Variants in FRMPD4 observed in about 807,000 individuals in gnomAD.
FRMPD4 encodes FERM and PDZ domain-containing protein 4.
A neutral mutation model predicts 94.1 loss-of-function variants in FRMPD4; 22 were observed. That is an observed-to-expected ratio of 0.23 (90% CI 0.17 to 0.33). The LOEUF (loss-of-function observed/expected upper bound fraction) is 0.33. Among genes scored for constraint, FRMPD4 ranks in the 10% least tolerant of loss-of-function variants. FRMPD4 has a pLI of 1.00. For missense variants in FRMPD4, 1,111 were observed against 1,339.9 expected, an observed-to-expected ratio of 0.83 and a Z score of 2.67; for synonymous variants, 631 against 548.6, an observed-to-expected ratio of 1.15 and a Z score of -2.10.
At chrX:11,884,396 T>C (rs927617381) in intron 3 of FRMPD4, among the ~76,000 whole-genome samples, 2 of 112,050 alleles carry the variant, frequency 1.8e-5, no homozygotes, top group Non-Finnish European at 3.8e-5. Context: ...TGATCAGTGT[T>C]ATGTTGCTTG....
At chrX:12,594,758 G>T (rs2059015231) in intron 2 of FRMPD4, among the ~76,000 whole-genome samples, 1 of 111,625 alleles carries the variant, frequency 9.0e-6, no homozygotes, top group African/African-American at 3.3e-5. Flanking sequence ...TTAAACAATA[G>T]TTTATTCTTT....
At chrX:12,329,857 C>CAAA (rs750627076) in intron 1 of FRMPD4, among the ~76,000 whole-genome samples, 1 of 55,449 alleles carries the variant, frequency 1.8e-5, no homozygotes, top group Non-Finnish European at 3.8e-5. Flanking sequence ...AGTTTCTAAC[C>CAAA]AAAAAAAAAA....
rs1193068056 is a variant in FRMPD4 at position 11,843,978 on chromosome X, CTTTT to C, written c.-160-21089_-160-21086del. On this transcript the variant is annotated intron_variant, in intron 1 of 18. Transcript: ENST00000640291. ...AAGGCAGATCTGATAGTTATGAATT[CTTTT>C]TTTTTTTTTTTTTTTTTTGAGACAG... Among the ~76,000 whole-genome samples the C allele has an allele frequency of 3.1e-3, 188 of 61,374 alleles. 1 individual carries two copies. Among genetic ancestry groups the C allele is most frequent in the African/African-American group, 0.012 (164 of 13,998 alleles). The allele number at this position is 61,374 out of a possible 115,157, so 53.3% of individuals were successfully genotyped here. A position where few individuals can be genotyped will look rare whatever the true frequency, so the allele number is the denominator to read the frequency against.
intron 4 of FRMPD4, among the ~76,000 whole-genome samples, chrX:12,653,569 G>A (rs1046415288): frequency 9.0e-6 from 1 of 111,562 alleles, no homozygotes; most frequent in Non-Finnish European, 1.9e-5. Flanking sequence ...TGTCTCAGAA[G>A]GGTTGCATGG....
At chrX:12,040,818 C>T (rs1267017931) in intron 3 of FRMPD4, among the ~76,000 whole-genome samples, 3 of 110,387 alleles carry the variant, frequency 2.7e-5, no homozygotes. Flanking sequence ...CGTGAGCCAC[C>T]GCACCTGGCT....
At chrX:12,010,365 T>C (rs1474389929) in intron 3 of FRMPD4, among the ~76,000 whole-genome samples, 1 of 112,392 alleles carries the variant, frequency 8.9e-6, no homozygotes, top group African/African-American at 3.2e-5. Flanking sequence ...AAAATACTTA[T>C]GATGTTACTG....
chrX:12,373,566 T>G (rs2056191543), intron 1 of FRMPD4, among the ~76,000 whole-genome samples: 1 of 112,079 alleles, frequency 8.9e-6, no homozygotes, highest in African/African-American at 3.2e-5. Context: ...AGAGAACACC[T>G]TTTGTGTTAA....
intron 1 of FRMPD4, among the ~76,000 whole-genome samples, chrX:12,427,888 C>T (rs1331866094): frequency 2.2e-5 from 2 of 90,282 alleles, no homozygotes; most frequent in Non-Finnish European, 4.3e-5. Context: ...AATCATTTTC[C>T]TTTTTTCTCT....
intron 3 of FRMPD4, among the ~76,000 whole-genome samples, chrX:12,049,661 A>G (rs1601903927): frequency 9.0e-6 from 1 of 111,385 alleles, no homozygotes; most frequent in East Asian, 2.8e-4. Flanking sequence ...TAAAAAAGAA[A>G]GTTAATGGTA....
At position 11,977,481 on chromosome X, in the gene FRMPD4, A is replaced by G. The variant is rs184693895; in HGVS notation, c.95+99463A>G. 3.0e-3 allele frequency among the ~76,000 whole-genome samples: 333 copies of G among 112,307 alleles called. 3 individuals are homozygous for G. Among genetic ancestry groups the G allele is most frequent in the African/African-American group, 0.01 (315 of 30,939 alleles). On this transcript the variant is annotated intron_variant, in intron 3 of 18. Coordinates refer to the FRMPD4 transcript ENST00000640291. ...ATATTAAATGGGAATATGAGAAGAGAGTGTTGATGAAAAGAGTCTACCTCT... is the reference window on the plus strand; with the variant it reads ...ATATTAAATGGGAATATGAGAAGAGGGTGTTGATGAAAAGAGTCTACCTCT...
intron 3 of FRMPD4, among the ~76,000 whole-genome samples, chrX:12,020,200 T>G: frequency 1.8e-5 from 2 of 112,368 alleles, no homozygotes; most frequent in Middle Eastern, 9.2e-3. Context: ...TAAAAAGTTA[T>G]CTGGATTTTT....
At chrX:11,852,009 A>G (rs2053626011) in intron 1 of FRMPD4, among the ~76,000 whole-genome samples, 1 of 110,294 alleles carries the variant, frequency 9.1e-6, no homozygotes, top group Non-Finnish European at 1.9e-5. Context: ...TCAACTTCTA[A>G]TTCTTTATCA....
chrX:12,286,893 A>T (rs1213355324), intron 1 of FRMPD4, among the ~76,000 whole-genome samples: 1 of 111,850 alleles, frequency 8.9e-6, no homozygotes, highest in African/African-American at 3.3e-5. Context: ...ACACAGCTTG[A>T]GTATACCTGA....
chrX:12,000,084 T>C (rs2054516742), intron 3 of FRMPD4, among the ~76,000 whole-genome samples: 1 of 112,387 alleles, frequency 8.9e-6, no homozygotes, highest in African/African-American at 3.2e-5. Context: ...GATTTATTAC[T>C]TTTTTAATTA....
At chrX:12,347,568 A>G (rs188218892) in intron 1 of FRMPD4, among the ~76,000 whole-genome samples, 74 of 112,250 alleles carry the variant, frequency 6.6e-4, no homozygotes, top group African/African-American at 2.3e-3. Context: ...TAATATTGAT[A>G]TAAAAATTCA....
chrX:12,502,419 G>A (rs1204681406), intron 2 of FRMPD4, among the ~76,000 whole-genome samples: 1 of 111,422 alleles, frequency 9.0e-6, no homozygotes, highest in African/African-American at 3.3e-5. Flanking sequence ...AAGGGAGGAA[G>A]ACAGATGGAA....
chrX:12,306,039 G>A (rs1263509981), intron 1 of FRMPD4, among the ~76,000 whole-genome samples: 1 of 103,025 alleles, frequency 9.7e-6, no homozygotes, highest in African/African-American at 3.6e-5. Context: ...TACTTTCACA[G>A]GAGATTTTGG....
intron 1 of FRMPD4, among the ~76,000 whole-genome samples, chrX:11,851,616 A>T (rs1202480194): frequency 9.0e-6 from 1 of 111,462 alleles, no homozygotes; most frequent in African/African-American, 3.3e-5. Context: ...GGATGTTTTT[A>T]TGGTAGAGAA....
At chrX:12,370,229 G>A (rs2056144929) in intron 1 of FRMPD4, among the ~76,000 whole-genome samples, 1 of 111,941 alleles carries the variant, frequency 8.9e-6, no homozygotes, top group Admixed American at 9.5e-5. Context: ...CCAGCACTTT[G>A]GGAGGCCGAG....
Sources: allele counts gnomAD v4.1 joint callset (sites outside exome capture counted in the v4.1 genomes callset), GRCh38; gene constraint gnomAD v4.1.1; transcripts MANE v1.5; gene names NCBI Gene and HGNC (gene_info 2026-07-23, HGNC 2026-07-21).